Variants in IQCM observed in about 807,000 individuals in gnomAD.
IQCM encodes IQ domain-containing protein M.
IQCM carries 45 observed loss-of-function variants against 57.6 expected under a neutral mutation model. That is an observed-to-expected ratio of 0.78 (90% CI 0.62 to 1.00). The LOEUF (loss-of-function observed/expected upper bound fraction) is 1.00, where lower values mean the gene tolerates loss of function less well. IQCM is among the 50% of genes least tolerant of loss of function. The pLI, the probability that IQCM is intolerant of heterozygous loss-of-function variation, is 0.00. For synonymous variants in IQCM, 148 were observed against 158.9 expected (o/e 0.93, Z 0.51); for missense variants, 468 against 511.6 (o/e 0.91, Z 0.82).
intron 12 of IQCM, among the ~76,000 whole-genome samples, chr4:149,478,295 C>T (rs1373273212): frequency 6.6e-6 from 1 of 152,052 alleles, no homozygotes. Context: ...GTCTTTCTTG[C>T]CTGTGTAATG....
chr4:149,498,627 A>G (rs904600297), intron 12 of IQCM, among the ~76,000 whole-genome samples: 12 of 152,120 alleles, frequency 7.9e-5, no homozygotes, highest in Non-Finnish European at 1.6e-4. Context: ...AGGCCCTCCC[A>G]GGGTGCCCTG....
At chr4:149,664,956 T>C (rs1561126278) in intron 7 of IQCM, among the ~76,000 whole-genome samples, 1 of 152,134 alleles carries the variant, frequency 6.6e-6, no homozygotes, top group Non-Finnish European at 1.5e-5. Context: ...ACTCTGCAGG[T>C]CTTTTCATTC....
At chr4:149,532,565 TTTTTATCAC>T (rs1746861032) in intron 12 of IQCM, among the ~76,000 whole-genome samples, 1 of 152,030 alleles carries the variant, frequency 6.6e-6, no homozygotes, top group Non-Finnish European at 1.5e-5. Flanking sequence ...GAATCATTTC[TTTTTATCAC>T]TAGAGGACTA....
chr4:149,723,248 T>C (rs922171329), intron 5 of IQCM, among the ~76,000 whole-genome samples: 1 of 152,070 alleles, frequency 6.6e-6, no homozygotes, highest in African/African-American at 2.4e-5. Context: ...TTAGTTTTAC[T>C]TCCTCTTTTC....
chr4:149,746,069 G>C (rs2149920438), intron 2 of IQCM, among the ~76,000 whole-genome samples: 1 of 150,496 alleles, frequency 6.6e-6, no homozygotes, highest in Middle Eastern at 3.5e-3. Context: ...ATCGTAATTA[G>C]CAGGATGCAG....
At chr4:149,781,978 G>T (rs186210615) in intron 2 of IQCM, among the ~76,000 whole-genome samples, 7 of 151,712 alleles carry the variant, frequency 4.6e-5, no homozygotes, top group Non-Finnish European at 1.0e-4. Flanking sequence ...TTCTGACTGC[G>T]TAAGACAATA....
intron 13 of IQCM, among the ~76,000 whole-genome samples, chr4:149,394,116 G>A (rs1049211290): frequency 8.6e-5 from 13 of 151,854 alleles, no homozygotes; most frequent in African/African-American, 3.1e-4. Flanking sequence ...TAAACATAAT[G>A]TCTTTTTATT....
intron 7 of IQCM, among the ~76,000 whole-genome samples, chr4:149,677,785 A>G (rs149039281): frequency 2.0e-4 from 31 of 152,070 alleles, no homozygotes; most frequent in African/African-American, 7.2e-4. Flanking sequence ...CCCAGATAAC[A>G]CAAGAAAACA....
In IQCM at chr4:149,659,854, G is replaced by A. The variant is rs984463127; in HGVS notation, c.565+22264C>T. Among the ~76,000 whole-genome samples the A allele has an allele frequency of 2.2e-4, 34 of 151,418 alleles. No individual in the cohort carries two copies. In the South Asian group the frequency reaches 4.0e-3, roughly 18 times the overall value. On this transcript the variant is annotated intron_variant, in intron 7 of 13. Transcript: ENST00000636793. The stretch of plus-strand genomic sequence containing the variant: ...TTCAAGATGGATTAAAGACTTAAAC[G>A]TTAGACCTAAAACCATAAAAACCCT...
intron 12 of IQCM, among the ~76,000 whole-genome samples, chr4:149,489,178 A>G (rs765481550): frequency 6.6e-6 from 1 of 152,102 alleles, no homozygotes; most frequent in Non-Finnish European, 1.5e-5. Context: ...ATGGAATTAA[A>G]CAAAGGAAAA....
intron 12 of IQCM, among the ~76,000 whole-genome samples, chr4:149,437,222 T>C (rs1297179457): frequency 1.3e-5 from 2 of 152,112 alleles, no homozygotes; most frequent in African/African-American, 4.8e-5. Context: ...TCTCTCCCGT[T>C]GCTATCACCC....
At chr4:149,674,846 C>T (rs1437849464) in intron 7 of IQCM, among the ~76,000 whole-genome samples, 3 of 151,966 alleles carry the variant, frequency 2.0e-5, no homozygotes, top group Non-Finnish European at 2.9e-5. Context: ...GATAAAATTA[C>T]AAGAGAGTGT....
intron 9 of IQCM, among the ~76,000 whole-genome samples, chr4:149,569,048 A>T (rs773758084): frequency 6.6e-6 from 1 of 152,190 alleles, no homozygotes; most frequent in Admixed American, 6.5e-5. Flanking sequence ...TCATTCTTTC[A>T]GAACCCTACA....
intron 13 of IQCM, among the ~76,000 whole-genome samples, chr4:149,380,335 C>A (rs1214480978): frequency 6.6e-6 from 1 of 151,990 alleles, no homozygotes; most frequent in Non-Finnish European, 1.5e-5. Context: ...CACAAAGTCC[C>A]AAATCCAGAT....
At chr4:149,724,390 C>T (rs772177725) in intron 5 of IQCM, among the ~76,000 whole-genome samples, 4 of 151,954 alleles carry the variant, frequency 2.6e-5, no homozygotes, top group Admixed American at 2.0e-4. Context: ...AGCATTATTA[C>T]AATTTATTAT....
At chr4:149,357,544 C>G (rs537008055) in intron 13 of IQCM, among the ~76,000 whole-genome samples, 1 of 152,206 alleles carries the variant, frequency 6.6e-6, no homozygotes, top group Non-Finnish European at 1.5e-5. Context: ...TGATGGATTA[C>G]GTTTATTGAT....
chr4:149,474,614 G>A (rs931829491), intron 12 of IQCM, among the ~76,000 whole-genome samples: 2 of 151,852 alleles, frequency 1.3e-5, no homozygotes, highest in African/African-American at 2.4e-5. Flanking sequence ...CTACTCGGGA[G>A]GCTTAGGCAG....
chr4:149,356,732 T>C (rs1346557826), intron 13 of IQCM, among the ~76,000 whole-genome samples: 19 of 152,128 alleles, frequency 1.2e-4, no homozygotes, highest in Admixed American at 8.5e-4. Flanking sequence ...ATGCGGGCTC[T>C]TTTTTGGTTC....
intron 12 of IQCM, among the ~76,000 whole-genome samples, chr4:149,537,760 G>T (rs1201746735): frequency 6.6e-6 from 1 of 151,834 alleles, no homozygotes; most frequent in African/African-American, 2.4e-5. Context: ...TAAGATTAAT[G>T]ACTGATTTCC....
Sources: allele counts gnomAD v4.1 joint callset (sites outside exome capture counted in the v4.1 genomes callset), GRCh38; gene constraint gnomAD v4.1.1; transcripts MANE v1.5; gene names NCBI Gene and HGNC (gene_info 2026-07-23, HGNC 2026-07-21).